The following CDH18 variants were observed in gnomAD, a reference collection of about 807,000 sequenced individuals.
The protein encoded by CDH18 is cadherin-18.
CDH18 carries 31 observed loss-of-function variants against 67.9 expected under a neutral mutation model. The ratio of observed to expected loss-of-function variants is 0.46; its 90% CI spans 0.34 to 0.62. The LOEUF (loss-of-function observed/expected upper bound fraction) is 0.62, where lower values mean the gene tolerates loss of function less well. CDH18 is among the 20% of genes least tolerant of loss of function. The pLI is 0.01. For synonymous variants in CDH18, 362 were observed against 347.2 expected (o/e 1.04, Z -0.48); for missense variants, 890 against 975.5 (o/e 0.91, Z 1.17).
intron 2 of CDH18, among the ~76,000 whole-genome samples, chr5:20,000,737 G>C (rs1473398103): frequency 6.6e-6 from 1 of 151,782 alleles, no homozygotes; most frequent in African/African-American, 2.4e-5. Context: ...AGTTTCTAGG[G>C]GATCAGTGAT....
Position 19,495,717 on chromosome 5 carries a change from CAA to C in CDH18, c.1630+7273_1630+7274del, listed in dbSNP as rs749003068. On this transcript the variant is annotated intron_variant, in intron 11 of 12. Transcript: ENST00000382275. ...CTGGGCAAAAAGAGTGAAACTGTCT[CAA>C]AAAAAAAAAAAAAAAAAAAAAAAGA... Among the ~76,000 whole-genome samples the C allele has an allele frequency of 7.9e-3, 368 of 46,570 alleles. 1 individual carries two copies. The highest frequency in any genetic ancestry group is 0.026 in the African/African-American group (336 of 12,764). 30.6% of individuals were successfully genotyped at this position (46,570 alleles called of 152,430 possible).
rs377536095 is a variant in CDH18 at position 20,008,020 on chromosome 5, G to A, written c.-517-16006C>T. 6.1e-4 allele frequency among the ~76,000 whole-genome samples: 93 copies of A among 151,970 alleles called. No individual in the cohort carries two copies. In the South Asian group the frequency reaches 0.017, roughly 27 times the overall value. ...TACAGAAAAATTTGGCTGACCCCTG[G>A]TATAGACATATTCTGGGAGTTTCTC... On this transcript the variant is annotated intron_variant, in intron 2 of 14. Coordinates refer to the CDH18 transcript ENST00000507958.
chr5:19,837,326 G>A (rs1041702233), intron 3 of CDH18, among the ~76,000 whole-genome samples: 2 of 151,896 alleles, frequency 1.3e-5, no homozygotes, highest in Non-Finnish European at 2.9e-5. Context: ...GTTGATGGGT[G>A]CAGCAAACCA....
chr5:19,782,687 A>G (rs1223239612), intron 3 of CDH18, among the ~76,000 whole-genome samples: 3 of 152,146 alleles, frequency 2.0e-5, no homozygotes, highest in African/African-American at 7.2e-5. Flanking sequence ...ATTTGGAAGG[A>G]GTTGCTTAGA....
At chr5:20,570,697 A>G (rs975148313) in intron 1 of CDH18, among the ~76,000 whole-genome samples, 1 of 152,188 alleles carries the variant, frequency 6.6e-6, no homozygotes, top group Non-Finnish European at 1.5e-5. Context: ...GGCTGGCTCA[A>G]GGATGAAGGT....
intron 10 of CDH18, among the ~76,000 whole-genome samples, chr5:19,517,990 T>A (rs1311227019): frequency 6.6e-6 from 1 of 151,964 alleles, no homozygotes; most frequent in South Asian, 2.1e-4. Context: ...TTAGAATGTT[T>A]AATATTTTTT....
intron 12 of CDH18, among the ~76,000 whole-genome samples, chr5:19,480,331 CAATAAATAT>C (rs2126561476): frequency 6.6e-6 from 1 of 150,888 alleles, no homozygotes; most frequent in South Asian, 2.1e-4. Context: ...CAGTTCTGAC[CAATAAATAT>C]ATAAAGTTTA....
intron 2 of CDH18, chr5:19,886,109 C>T (rs548503041): frequency 2.8e-4 from 42 of 152,308 alleles, no homozygotes; most frequent in African/African-American, 8.7e-4. Flanking sequence ...GATTAACTCA[C>T]ATACTTTGGT....
intron 2 of CDH18, among the ~76,000 whole-genome samples, chr5:19,960,063 G>C (rs1394511475): frequency 6.6e-6 from 1 of 152,006 alleles, no homozygotes; most frequent in Non-Finnish European, 1.5e-5. Context: ...TAAATGTGAA[G>C]ACCTATGACA....
chr5:20,183,321 T>C (rs1054546111), intron 2 of CDH18, among the ~76,000 whole-genome samples: 3 of 152,108 alleles, frequency 2.0e-5, no homozygotes, highest in Non-Finnish European at 4.4e-5. Flanking sequence ...CCAAGATAAT[T>C]ATTCCGTGTA....
rs576968087 is a variant in CDH18 at position 19,477,131 on chromosome 5, T to G, written c.1883-3415A>C. Among the ~76,000 whole-genome samples the G allele has an allele frequency of 4.7e-5, 7 of 147,894 alleles. No individual in the cohort carries two copies. The South Asian group carries it at 1.5e-3, about 31-fold the overall frequency. On this transcript the variant is annotated intron_variant, in intron 12 of 12. Coordinates refer to ENST00000382275, the MANE Select transcript of CDH18 (RefSeq NM_004934.5). ...TACATACTTATTTAATAAAAGGAGATATATATATATATTTATATATATATA... is the reference window on the plus strand; with the variant it reads ...TACATACTTATTTAATAAAAGGAGAGATATATATATATTTATATATATATA...
chr5:20,024,405 T>C (rs560610570), intron 2 of CDH18, among the ~76,000 whole-genome samples: 1 of 152,254 alleles, frequency 6.6e-6, no homozygotes, highest in African/African-American at 2.4e-5. Flanking sequence ...AAATCTCCTT[T>C]GAGACCTGGT....
intron 2 of CDH18, among the ~76,000 whole-genome samples, chr5:19,852,737 G>A (rs1413576859): frequency 2.0e-5 from 3 of 151,738 alleles, no homozygotes; most frequent in South Asian, 2.1e-4. Flanking sequence ...TCACTTTTAC[G>A]AAAACCCATA....
chr5:20,174,173 T>C (rs941720912), intron 2 of CDH18, among the ~76,000 whole-genome samples: 2 of 152,202 alleles, frequency 1.3e-5, no homozygotes. Flanking sequence ...TCTAATAGAT[T>C]AACAAAATGC....
intron 2 of CDH18, among the ~76,000 whole-genome samples, chr5:20,076,499 A>T (rs753294543): frequency 2.6e-5 from 4 of 152,150 alleles, no homozygotes; most frequent in Non-Finnish European, 5.9e-5. Flanking sequence ...AAAATAAAAG[A>T]CATCAGTAGG....
At chr5:19,996,364 A>C (rs1301420372) in intron 2 of CDH18, among the ~76,000 whole-genome samples, 1 of 152,012 alleles carries the variant, frequency 6.6e-6, no homozygotes, top group Non-Finnish European at 1.5e-5. Flanking sequence ...TTTCTCTATT[A>C]CTGAATATTA....
chr5:19,491,046 T>C (rs1319524724), intron 11 of CDH18, among the ~76,000 whole-genome samples: 1 of 152,178 alleles, frequency 6.6e-6, no homozygotes, highest in African/African-American at 2.4e-5. Flanking sequence ...ATTGTATACA[T>C]GCTCTTTAAT....
chr5:20,403,690 T>C (rs1340179641), intron 1 of CDH18, among the ~76,000 whole-genome samples: 7 of 152,194 alleles, frequency 4.6e-5, no homozygotes, highest in African/African-American at 1.7e-4. Flanking sequence ...GCTTTGTTGT[T>C]CCATTTATAG....
intron 2 of CDH18, among the ~76,000 whole-genome samples, chr5:20,019,215 T>G (rs973903509): frequency 2.0e-5 from 3 of 152,118 alleles, no homozygotes; most frequent in Admixed American, 1.3e-4. Flanking sequence ...AGTGAGACAA[T>G]AAAATAAGAA....
Sources: allele counts gnomAD v4.1 joint callset (sites outside exome capture counted in the v4.1 genomes callset), GRCh38; gene constraint gnomAD v4.1.1; transcripts MANE v1.5; gene names NCBI Gene and HGNC (gene_info 2026-07-23, HGNC 2026-07-21).